Variants in HSD17B12 observed in about 807,000 individuals in gnomAD.
HSD17B12 encodes very-long-chain 3-oxoacyl-CoA reductase.
HSD17B12 carries 32 observed loss-of-function variants against 39.3 expected under a neutral mutation model. That is an observed-to-expected ratio of 0.81 (90% CI 0.61 to 1.09). HSD17B12 has a LOEUF of 1.09. HSD17B12 is among the 50% of genes least tolerant of loss of function. HSD17B12 has a pLI of 0.00. For synonymous variants in HSD17B12, 150 were observed against 146.7 expected, an observed-to-expected ratio of 1.02 and a Z score of -0.16; for missense variants, 342 against 382.9, an observed-to-expected ratio of 0.89 and a Z score of 0.89.
chr11:43,657,104 A>G, the HSD17B12 span, among the ~76,000 whole-genome samples: 1 of 152,182 alleles, frequency 6.6e-6, no homozygotes, highest in South Asian at 2.1e-4. Context: ...GTGCATATAT[A>G]TTTAGGATAC....
the HSD17B12 span, among the ~76,000 whole-genome samples, chr11:43,620,105 T>G: frequency 6.6e-6 from 1 of 152,218 alleles, no homozygotes; most frequent in Non-Finnish European, 1.5e-5. Flanking sequence ...GGCTTTGTAG[T>G]CAGCAAATCC....
At chr11:43,592,565 G>C in the HSD17B12 span, among the ~76,000 whole-genome samples, 1 of 152,054 alleles carries the variant, frequency 6.6e-6, no homozygotes, top group African/African-American at 2.4e-5. Context: ...AATATATTAT[G>C]TGAGCATGGA....
intron 7 of HSD17B12, among the ~76,000 whole-genome samples, chr11:43,835,115 C>CT (rs1392546114): frequency 6.6e-6 from 1 of 152,150 alleles, no homozygotes; most frequent in Non-Finnish European, 1.5e-5. Context: ...CTTAATGTAC[C>CT]TTCCAATCTT....
the HSD17B12 span, among the ~76,000 whole-genome samples, chr11:43,598,696 A>G: frequency 7.9e-5 from 12 of 152,164 alleles, no homozygotes; most frequent in African/African-American, 2.9e-4. Flanking sequence ...CTGCCTTCTG[A>G]AACTTTTCTC....
At chr11:43,773,975 G>A (rs770494377) in intron 3 of HSD17B12, among the ~76,000 whole-genome samples, 48 of 151,870 alleles carry the variant, frequency 3.2e-4, no homozygotes, top group African/African-American at 1.0e-3. Flanking sequence ...GTTGTACATC[G>A]GGTATAGCCT....
chr11:43,621,265 T>C, the HSD17B12 span, among the ~76,000 whole-genome samples: 1 of 152,106 alleles, frequency 6.6e-6, no homozygotes, highest in Non-Finnish European at 1.5e-5. Context: ...TAGACAGAAA[T>C]GAATATAAAT....
chr11:43,584,379 G>A, the HSD17B12 span, among the ~76,000 whole-genome samples: 2 of 152,308 alleles, frequency 1.3e-5, no homozygotes, highest in East Asian at 3.9e-4. Flanking sequence ...TCTCTGGAAA[G>A]CTCTGCTCTT....
intron 3 of HSD17B12, among the ~76,000 whole-genome samples, chr11:43,768,695 G>A (rs1005470134): frequency 3.9e-5 from 6 of 152,196 alleles, no homozygotes; most frequent in Admixed American, 6.5e-5. Flanking sequence ...CCCAAAGAGT[G>A]AGCAGCAGCA....
the HSD17B12 span, among the ~76,000 whole-genome samples, chr11:43,627,659 A>G: frequency 6.6e-6 from 1 of 152,140 alleles, no homozygotes; most frequent in African/African-American, 2.4e-5. Flanking sequence ...AATAATGCCA[A>G]TGCTTAAGAT....
At chr11:43,657,187 AT>A in the HSD17B12 span, among the ~76,000 whole-genome samples, 2 of 151,902 alleles carry the variant, frequency 1.3e-5, no homozygotes, top group African/African-American at 4.8e-5. Context: ...ATCTTTGTTG[AT>A]TTAAAGTCTG....
intron 9 of HSD17B12, 74 bp from the exon 10 acceptor site, chr11:43,854,641 C>T (rs1951563808): frequency 6.7e-7 from 1 of 1,486,986 alleles, no homozygotes; most frequent in Non-Finnish European, 9.3e-7. Context: ...AGCAGTCAAG[C>T]ACCACTGTAC....
intron 4 of HSD17B12, among the ~76,000 whole-genome samples, chr11:43,803,090 G>A (rs1411381760): frequency 6.6e-6 from 1 of 152,102 alleles, no homozygotes; most frequent in Non-Finnish European, 1.5e-5. Flanking sequence ...CACATGGATT[G>A]TAATTTTAAT....
At chr11:43,838,895 T>C (rs1372467865) in intron 8 of HSD17B12, among the ~76,000 whole-genome samples, 1 of 152,154 alleles carries the variant, frequency 6.6e-6, no homozygotes, top group African/African-American at 2.4e-5. Flanking sequence ...GATTCATAGA[T>C]ATTCTTTGTC....
chr11:43,706,589 A>G (rs1021179601), intron 1 of HSD17B12, among the ~76,000 whole-genome samples: 3 of 151,800 alleles, frequency 2.0e-5, no homozygotes, highest in Non-Finnish European at 4.4e-5. Context: ...GTCATACACT[A>G]TTGCTTGGGG....
At chr11:43,568,410 T>C in the HSD17B12 span, among the ~76,000 whole-genome samples, 1 of 151,776 alleles carries the variant, frequency 6.6e-6, no homozygotes, top group African/African-American at 2.4e-5. Flanking sequence ...GCCTCCTGTT[T>C]GTTTGTTTTT....
In HSD17B12 at chr11:43,816,376, T is replaced by G; in HGVS notation, c.486T>G (p.Ile162Met). Residue 162 changes from isoleucine (I) to methionine (M), a missense_variant, in exon 6 of 11, where the codon ATT becomes ATG. Physicochemically the swap from Ile to Met is conservative, Grantham distance 10. Transcript: ENST00000278353. ...NVIKKMININ[I>M]LSVCKMTQLV... ...TCAAGAAAATGATAAATATTAATATTCTTTCTGTTTGTAAGGTAAGCATCC... is the reference window on the plus strand; with the variant it reads ...TCAAGAAAATGATAAATATTAATATGCTTTCTGTTTGTAAGGTAAGCATCC... The G allele has an allele frequency of 6.6e-7, 1 of 1,523,272 alleles. No homozygotes were observed. Among genetic ancestry groups the G allele is most frequent in the South Asian group, 1.2e-5 (1 of 82,268 alleles). The allele number at this position is 1,523,272 out of a possible 1,614,324, so 94.4% of individuals were successfully genotyped here.
At chr11:43,706,689 G>GGTGTGT (rs147962977) in intron 1 of HSD17B12, among the ~76,000 whole-genome samples, 1,927 of 137,882 alleles carry the variant, frequency 0.014, 25 homozygotes, top group Middle Eastern at 0.032. Context: ...TGAATGAAGG[G>GGTGTGT]GTGTGTGTGT....
chr11:43,730,036 A>ATG (rs566545788), intron 1 of HSD17B12, among the ~76,000 whole-genome samples: 1 of 151,590 alleles, frequency 6.6e-6, no homozygotes, highest in Non-Finnish European at 1.5e-5. Flanking sequence ...AAACTTGTGG[A>ATG]TGTGTGTGTG....
intron 3 of HSD17B12, among the ~76,000 whole-genome samples, chr11:43,780,635 G>C (rs1276181536): frequency 6.6e-6 from 1 of 152,154 alleles, no homozygotes; most frequent in East Asian, 1.9e-4. Flanking sequence ...AAGATTATTA[G>C]AACGTGAGTT....
Sources: gnomAD v4.1 joint callset for allele counts (sites outside exome capture counted in the v4.1 genomes callset) on GRCh38, gnomAD v4.1.1 for gene constraint, MANE v1.5 for transcripts, NCBI Gene and HGNC (gene_info 2026-07-23, HGNC 2026-07-21) for gene names.